The following RXFP2 variants were observed in gnomAD, a reference collection of about 807,000 sequenced individuals.
RXFP2 encodes the protein relaxin family peptide receptor 2, also known as relaxin receptor 2.
RXFP2 carries 68 observed loss-of-function variants against 88.6 expected under a neutral mutation model. The ratio of observed to expected loss-of-function variants is 0.77; its 90% confidence interval spans 0.63 to 0.94. The LOEUF (loss-of-function observed/expected upper bound fraction) is 0.94, where lower values mean the gene tolerates loss of function less well. Among genes scored for constraint, RXFP2 ranks in the 40% least tolerant of loss-of-function variants. The pLI is 0.00. For missense variants in RXFP2, 791 were observed against 893.9 expected (o/e 0.88, Z 1.47); for synonymous variants, 329 against 306.8 (o/e 1.07, Z -0.76).
At chr13:31,762,064 T>C (rs1306863807) in intron 3 of RXFP2, among the ~76,000 whole-genome samples, 1 of 152,352 alleles carries the variant, frequency 6.6e-6, no homozygotes. Context: ...AATAGTAAAG[T>C]TCTTATTACT....
At chr13:31,794,856 C>T (rs1873955457) in intron 16 of RXFP2, among the ~76,000 whole-genome samples, 1 of 151,620 alleles carries the variant, frequency 6.6e-6, no homozygotes, top group Non-Finnish European at 1.5e-5. Flanking sequence ...AGTTAAGTAT[C>T]TGGGATATAT....
In RXFP2 at chr13:31,761,737, A is replaced by T; in HGVS notation, c.255A>T (p.Gly85=). 1 of 1,611,754 alleles carries T rather than the reference A, an allele frequency of 6.2e-7. No individual in the cohort carries two copies. Among genetic ancestry groups the T allele is most frequent in the Middle Eastern group, 1.7e-4 (1 of 6,052 alleles). ...ACTATTTCACAGGTGACACTAGTGGATGGGCGACCATATTTGGCACAGTGC... is the reference window on the plus strand; with the variant it reads ...ACTATTTCACAGGTGACACTAGTGGTTGGGCGACCATATTTGGCACAGTGC... The part of the protein sequence containing the change: ...ADEENCGDTS[G]WATIFGTVHG... Residue 85 remains glycine, a synonymous_variant, in exon 3 of 18, where the codon GGA becomes GGT. Transcript: ENST00000298386.
chr13:31,749,937 A>G (rs1414129404), intron 1 of RXFP2, among the ~76,000 whole-genome samples: 3 of 152,174 alleles, frequency 2.0e-5, no homozygotes, highest in African/African-American at 7.2e-5. Flanking sequence ...CATCAGTCTC[A>G]AAGGGAAACC....
rs9532456 is a variant in RXFP2, at chr13:31,757,975, T to C, written c.95-283T>C. ...GGTGTGGTGGTTCACGTCTGTAATC[T>C]TGGCTACTCGGGAGGCTGAGGCAGG... On this transcript the variant is annotated intron_variant, in intron 1 of 17. Transcript: ENST00000298386. 1 allele frequency among the ~76,000 whole-genome samples: 151,917 copies of C among 152,266 alleles called. 75,784 individuals carry two copies. The highest frequency in any genetic ancestry group is 1 in the Middle Eastern group (294 of 294).
chr13:31,744,282 T>A (rs1826385328), intron 1 of RXFP2, among the ~76,000 whole-genome samples: 1 of 152,230 alleles, frequency 6.6e-6, no homozygotes, highest in African/African-American at 2.4e-5. Context: ...TTGATCACCT[T>A]TGCCTACAAA....
intron 9 of RXFP2, among the ~76,000 whole-genome samples, chr13:31,780,531 T>C (rs1296372955): frequency 1.3e-5 from 2 of 152,224 alleles, no homozygotes; most frequent in African/African-American, 4.8e-5. Flanking sequence ...AGTTTTAAAA[T>C]AGGATTTTCT....
In RXFP2 at chr13:31,764,243, T is replaced by TCACACACACA. The variant is rs56132108; in HGVS notation, c.320-757_320-748dup. The stretch of plus-strand genomic sequence containing the variant: ...CTGCCCTCGTCTGTCTCTCTCTCTT[T>TCACACACACA]CACACACACACACACACACACACAC... On this transcript the variant is annotated intron_variant, in intron 3 of 17. Transcript: ENST00000298386. Among the ~76,000 whole-genome samples, 1,063 of 131,748 alleles carry TCACACACACA rather than the reference T, an allele frequency of 8.1e-3. 13 individuals carry two copies. The highest frequency in any genetic ancestry group is 0.012 in the Middle Eastern group (3 of 258). 86.4% of individuals were successfully genotyped at this position (131,748 alleles called of 152,430 possible). A position where few individuals can be genotyped will look rare whatever the true frequency, so the allele number is the denominator to read the frequency against.
At position 31,800,430 on chromosome 13, in the gene RXFP2, G is replaced by A. The variant is rs554660819; in HGVS notation, c.2006-1716G>A. On this transcript the variant is annotated intron_variant, in intron 17 of 17. Transcript: ENST00000298386. ...CTGAAAATATATAAAAAATTAGCCG[G>A]GCATGGTGGCAGGTGCCTGTAGTCC... 3.0e-3 allele frequency among the ~76,000 whole-genome samples: 453 copies of A among 152,214 alleles called. 2 individuals carry two copies. The highest frequency in any genetic ancestry group is 0.01 in the African/African-American group (432 of 41,514).
intron 11 of RXFP2, among the ~76,000 whole-genome samples, chr13:31,784,656 G>A (rs1004934455): frequency 1.3e-5 from 2 of 152,052 alleles, no homozygotes; most frequent in African/African-American, 2.4e-5. Flanking sequence ...ATCTCACTTG[G>A]CAGGACTTCA....
chr13:31,797,142 C>A, intron 16 of RXFP2, 59 bp from the exon 17 acceptor site: 1 of 1,188,066 alleles, frequency 8.4e-7, no homozygotes, highest in Non-Finnish European at 1.3e-6. Context: ...ACCTGTACCA[C>A]AGTAATTTTA....
chr13:31,751,639 C>G (rs1053185246), intron 1 of RXFP2, among the ~76,000 whole-genome samples: 1 of 152,188 alleles, frequency 6.6e-6, no homozygotes, highest in Admixed American at 6.5e-5. Context: ...AGAGGAAGAA[C>G]AGCCAGTGAA....
chr13:31,794,467 A>G (rs1237450752), intron 16 of RXFP2, among the ~76,000 whole-genome samples: 1 of 151,550 alleles, frequency 6.6e-6, no homozygotes, highest in Non-Finnish European at 1.5e-5. Context: ...GCTGTGCACT[A>G]TATACTATAT....
intron 8 of RXFP2, among the ~76,000 whole-genome samples, 196 bp from the exon 9 acceptor site, chr13:31,778,316 A>G (rs1390078232): frequency 6.6e-6 from 1 of 152,204 alleles, no homozygotes; most frequent in Admixed American, 6.5e-5. Context: ...TTATGCATTC[A>G]TAGTTTCTTT....
chr13:31,745,264 C>G (rs1252072483), intron 1 of RXFP2, among the ~76,000 whole-genome samples: 1 of 152,094 alleles, frequency 6.6e-6, no homozygotes, highest in Non-Finnish European at 1.5e-5. Flanking sequence ...GAATGTTTCT[C>G]CTGCACACAG....
chr13:31,763,733 A>G (rs183683861), intron 3 of RXFP2, among the ~76,000 whole-genome samples: 2 of 152,274 alleles, frequency 1.3e-5, no homozygotes, highest in Non-Finnish European at 2.9e-5. Context: ...TCTGGTGTTG[A>G]CAGCACACCC....
chr13:31,773,221 T>C (rs2138427054), intron 5 of RXFP2, among the ~76,000 whole-genome samples: 1 of 152,298 alleles, frequency 6.6e-6, no homozygotes, highest in African/African-American at 2.4e-5. Flanking sequence ...GTACCGGGAA[T>C]GGGGGTTAAG....
intron 6 of RXFP2, 24 bp from the exon 7 acceptor site, chr13:31,775,294 T>C (rs1385387370): frequency 1.9e-6 from 3 of 1,582,878 alleles, no homozygotes; most frequent in African/African-American, 2.7e-5. Flanking sequence ...GTTTGCCTAA[T>C]TAACTCACCC....
Position 31,765,044 on chromosome 13 carries a change from A to G in RXFP2, c.327A>G (p.Lys109=). 1 of 1,585,840 alleles carries G rather than the reference A, an allele frequency of 6.3e-7. No individual in the cohort carries two copies. The change falls in exon 4 of 18, where the codon AAA becomes AAG. Residue 109 remains lysine (K), a synonymous_variant. Transcript: ENST00000298386. ...SVALTQECFL[K]QYPQCCDCKE... Reference sequence around the variant, plus strand: ...CTCTTTTTGTCCCATTAGTTCTAAAACAGTATCCACAATGCTGTGACTGCA... The same window carrying G: ...CTCTTTTTGTCCCATTAGTTCTAAAGCAGTATCCACAATGCTGTGACTGCA...
chr13:31,753,143 C>T (rs977925864), intron 1 of RXFP2, among the ~76,000 whole-genome samples: 2 of 152,142 alleles, frequency 1.3e-5, no homozygotes, highest in Admixed American at 6.5e-5. Context: ...TACAGGCTTT[C>T]TTCAGCTTTA....
Sources: allele counts gnomAD v4.1 joint callset (sites outside exome capture counted in the v4.1 genomes callset), GRCh38; gene constraint gnomAD v4.1.1; transcripts MANE v1.5; gene names NCBI Gene and HGNC (gene_info 2026-07-23, HGNC 2026-07-21).